The following RADIL variants were observed in gnomAD, a reference collection of about 807,000 sequenced individuals.
RADIL encodes ras-associating and dilute domain-containing protein.
RADIL carries 99 observed loss-of-function variants against 97.6 expected under a neutral mutation model. That is an observed-to-expected ratio of 1.01 (90% CI 0.86 to 1.20). The LOEUF (loss-of-function observed/expected upper bound fraction) is 1.20. Ranked by LOEUF, RADIL falls within the 50% of genes most tolerant of loss-of-function variation. The pLI, the probability that RADIL is intolerant of heterozygous loss-of-function variation, is 0.00. For synonymous variants in RADIL, 803 were observed against 691.8 expected (o/e 1.16, Z -2.52); for missense variants, 1,765 against 1,498.9 (o/e 1.18, Z -2.93).
Position 4,806,076 on chromosome 7 carries a change from C to A in RADIL, c.2140-360G>T. The A allele has an allele frequency of 4.1e-6, 4 of 984,384 alleles. No homozygotes were observed. The South Asian group carries it at 1.4e-4, about 35-fold the overall frequency. The allele number at this position is 984,384 out of a possible 1,614,324, so 61.0% of individuals were successfully genotyped here. A position where few individuals can be genotyped will look rare whatever the true frequency, so the allele number is the denominator to read the frequency against. On this transcript the variant is annotated intron_variant, in intron 9 of 14. Transcript: ENST00000399583. ...CTCCAACGGTGTGAAAGAAATCAATCAAGTCGGCTAAAAACCTGCCTGGAA... is the reference window on the plus strand; with the variant it reads ...CTCCAACGGTGTGAAAGAAATCAATAAAGTCGGCTAAAAACCTGCCTGGAA...
At chr7:4,808,026 ATCTTTCTCC>A (rs1562429724) in intron 9 of RADIL, among the ~76,000 whole-genome samples, 2 of 28,728 alleles carry the variant, frequency 7.0e-5, no homozygotes, top group Admixed American at 4.6e-4. Flanking sequence ...CTCTCCCTCC[ATCTTTCTCC>A]GCTCCTTCCT....
In RADIL at chr7:4,834,359, A is replaced by G. The variant is rs1783232079; in HGVS notation, c.1416+248T>C. On this transcript the variant is annotated intron_variant, in intron 4 of 14. Coordinates refer to ENST00000399583, the MANE Select transcript of RADIL (RefSeq NM_018059.5). This position sits in a 1 kb window ranked among gnomAD's most constrained non-coding sequence, Gnocchi z 6.0. ...AAGCCCAGAGCTCAGGAGGTGACCT[A>G]GGACCCCACGCAAACCCCACCCTCA... Among the ~76,000 whole-genome samples the G allele has an allele frequency of 6.6e-6, 1 of 152,144 alleles. No homozygotes were observed.
chr7:4,883,336 C>G lies in RADIL; in HGVS notation c.-65+260G>C, dbSNP rs1273808085. Among the ~76,000 whole-genome samples, 3 of 152,060 alleles carry G rather than the reference C, an allele frequency of 2.0e-5. No individual in the cohort carries two copies. Among genetic ancestry groups the G allele is most frequent in the Non-Finnish European group, 4.4e-5 (3 of 67,974 alleles). ...CTCGGGGGTCGGCAGCGCGGACCCC[C>G]GGATCCCCGCAGGCTGGGCCGCCCT... is the stretch of plus-strand genomic sequence containing the variant. On this transcript the variant is annotated intron_variant, in intron 1 of 14. Transcript: ENST00000399583. The surrounding 1 kb of genome is among the most constrained non-coding windows in gnomAD (Gnocchi z 7.1).
intron 13 of RADIL, 92 bp from the exon 14 acceptor site, chr7:4,799,861 C>CAGG: frequency 2.1e-6 from 3 of 1,426,408 alleles, no homozygotes; most frequent in Non-Finnish European, 2.7e-6. Flanking sequence ...ACCTACAGGC[C>CAGG]CCCGCCTGGC....
At chr7:4,825,647 T>C (rs890171857) in intron 5 of RADIL, among the ~76,000 whole-genome samples, 1 of 144,880 alleles carries the variant, frequency 6.9e-6, no homozygotes. Context: ...GAGGGCGAGG[T>C]GGGCAGATTA....
chr7:4,877,720 G>A lies in RADIL; in HGVS notation c.420C>T (p.Pro140=), dbSNP rs767731566. Reference sequence around the variant, plus strand: ...GTTTCCATAATTCCTGGATCAAGAGGGGCTTCTCACTGTCCCCAAACACCC... The same window carrying A: ...GTTTCCATAATTCCTGGATCAAGAGAGGCTTCTCACTGTCCCCAAACACCC... ...CFRVFGDSEK[P]LLIQELWKPR... Residue 140 remains proline, a synonymous_variant, in exon 2 of 15, where the codon CCC becomes CCT. Transcript: ENST00000399583. 1.9e-6 allele frequency: 3 copies of A among 1,613,962 alleles called. No individual in the cohort carries two copies. The highest frequency in any genetic ancestry group is 2.5e-6 in the Non-Finnish European group (3 of 1,180,044).
chr7:4,802,124 G>C (rs951642421), intron 11 of RADIL, 129 bp from the exon 12 acceptor site: 12 of 743,640 alleles, frequency 1.6e-5, no homozygotes, highest in Non-Finnish European at 2.6e-5. Flanking sequence ...GACTCCCGCA[G>C]CCTGTGCAGC....
rs1420141625 is a variant in RADIL at position 4,818,995 on chromosome 7, GCC to G, written c.1616-1646_1616-1645del. The stretch of plus-strand genomic sequence containing the variant: ...CTGGAACTCCAATCTACCCGCCTTG[GCC>G]CCCCAAAGTGCTGGGATTACAGGCA... On this transcript the variant is annotated intron_variant, in intron 6 of 14. Coordinates refer to ENST00000399583, the MANE Select transcript of RADIL (RefSeq NM_018059.5). This position sits in a 1 kb window ranked among gnomAD's most constrained non-coding sequence, Gnocchi z 7.1. Among the ~76,000 whole-genome samples, 1 of 150,796 alleles carries G rather than the reference GCC, an allele frequency of 6.6e-6. No individual in the cohort carries two copies. Among genetic ancestry groups the G allele is most frequent in the African/African-American group, 2.4e-5 (1 of 40,932 alleles).
In RADIL at chr7:4,847,878, T is replaced by C. The variant is rs186113550; in HGVS notation, c.536-11273A>G. On this transcript the variant is annotated intron_variant, in intron 2 of 14. Coordinates refer to ENST00000399583, the MANE Select transcript of RADIL (RefSeq NM_018059.5). ...GGGGGTGGGACCGGCTGACTGCTAA[T>C]AGACACAAAGGATCTTTTGGTGATG... Among the ~76,000 whole-genome samples the C allele has an allele frequency of 2.9e-4, 44 of 151,346 alleles. No homozygotes were observed. The East Asian group carries it at 7.8e-3, about 27-fold the overall frequency.
Position 4,801,833 on chromosome 7 carries a change from CA to C in RADIL, c.2661del (p.Gly889AlafsTer102). ...TGCGGGGGGCCAGCCTGGGAGCCCC[CA>C]CGGCTGGGTTGCCTTCCAGGGGGGG... is the stretch of plus-strand genomic sequence containing the variant. ...AQAPPGRQPS[R>X]GGSQAGPPHT... is the part of the protein sequence containing the mutation. On this transcript the variant is annotated frameshift_variant, in exon 12 of 15. Coordinates refer to ENST00000399583, the MANE Select transcript of RADIL (RefSeq NM_018059.5). LOFTEE classifies it high-confidence loss of function. 2 of 1,604,390 alleles carry C rather than the reference CA, an allele frequency of 1.2e-6. No homozygotes were observed. The highest frequency in any genetic ancestry group is 1.7e-6 in the Non-Finnish European group (2 of 1,176,264).
At chr7:4,833,730 G>A (rs1259772895) in intron 4 of RADIL, among the ~76,000 whole-genome samples, 1 of 152,168 alleles carries the variant, frequency 6.6e-6, no homozygotes, top group South Asian at 2.1e-4. Flanking sequence ...GTCTCTGAAC[G>A]AACTTGAACA....
intron 11 of RADIL, among the ~76,000 whole-genome samples, chr7:4,802,242 G>T (rs984825458): frequency 1.3e-5 from 2 of 152,240 alleles, no homozygotes; most frequent in Non-Finnish European, 2.9e-5. Context: ...CCCCAGCCCA[G>T]CTTCCAACCC....
At chr7:4,855,268 C>T (rs576201171) in intron 2 of RADIL, among the ~76,000 whole-genome samples, 6 of 152,082 alleles carry the variant, frequency 3.9e-5, no homozygotes, top group Non-Finnish European at 8.8e-5. Flanking sequence ...ACTTTTCTAC[C>T]ACCACGAGAA....
At chr7:4,841,462 T>A (rs1783437798) in intron 2 of RADIL, among the ~76,000 whole-genome samples, 1 of 152,206 alleles carries the variant, frequency 6.6e-6, no homozygotes, top group African/African-American at 2.4e-5. Context: ...CCACAAGCGC[T>A]GGGAGAGCTT....
chr7:4,814,569 G>A lies in RADIL; in HGVS notation c.2139+709C>T, dbSNP rs61617955. Among the ~76,000 whole-genome samples, 1 of 152,022 alleles carries A rather than the reference G, an allele frequency of 6.6e-6. No homozygotes were observed. Among genetic ancestry groups the A allele is most frequent in the Admixed American group, 6.5e-5 (1 of 15,274 alleles). On this transcript the variant is annotated intron_variant, in intron 9 of 14. Coordinates refer to ENST00000399583, the MANE Select transcript of RADIL (RefSeq NM_018059.5). This position sits in a 1 kb window ranked among gnomAD's most constrained non-coding sequence, Gnocchi z 4.5. ...GGTGAGTGGCTGACTGTGTTGGGAGGGGGGTGGTGAGCAGCGAGGGAAGCA... is the reference window on the plus strand; with the variant it reads ...GGTGAGTGGCTGACTGTGTTGGGAGAGGGGTGGTGAGCAGCGAGGGAAGCA...
Position 4,835,266 on chromosome 7 carries a change from G to GGC in RADIL, c.784-29_784-28dup. 1 of 1,601,152 alleles carries GGC rather than the reference G, an allele frequency of 6.2e-7. No individual in the cohort carries two copies. The highest frequency in any genetic ancestry group is 8.5e-7 in the Non-Finnish European group (1 of 1,178,720). On this transcript the variant is annotated intron_variant, in intron 3 of 14. Transcript: ENST00000399583. This position sits in a 1 kb window ranked among gnomAD's most constrained non-coding sequence, Gnocchi z 5.8. ...TGAAACAGAGACTCCGCTCAGGGCA[G>GGC]GCGTAACGCGAGCAGCACACGGGAA...
rs1782594295 is a variant in RADIL, at chr7:4,813,245, CTGGCACTA to C, written c.2139+2025_2139+2032del. ...CCTCCTACCTCAACCTCCCAAGTAG[CTGGCACTA>C]CAGGCGTTTGCCCCATGCCTGCCTC... On this transcript the variant is annotated intron_variant, in intron 9 of 14. Transcript: ENST00000399583. This position sits in a 1 kb window ranked among gnomAD's most constrained non-coding sequence, Gnocchi z 5.0. Among the ~76,000 whole-genome samples the C allele has an allele frequency of 6.6e-6, 1 of 152,172 alleles. No homozygotes were observed. Among genetic ancestry groups the C allele is most frequent in the Admixed American group, 6.5e-5 (1 of 15,274 alleles).
At chr7:4,838,340 T>C (rs2115006322) in intron 2 of RADIL, among the ~76,000 whole-genome samples, 1 of 152,210 alleles carries the variant, frequency 6.6e-6, no homozygotes, top group South Asian at 2.1e-4. Flanking sequence ...CTCAACTTTC[T>C]CCCAAATCCA....
Position 4,878,035 on chromosome 7 carries a change from C to T in RADIL, c.105G>A (p.Lys35=), listed in dbSNP as rs749704648. 1.4e-5 allele frequency: 23 copies of T among 1,608,924 alleles called. No homozygotes were observed. The highest frequency in any genetic ancestry group is 1.8e-5 in the Non-Finnish European group (21 of 1,178,538). Residue 35 remains lysine (K), a synonymous_variant, in exon 2 of 15, where the codon AAG becomes AAA. Transcript: ENST00000399583. The surrounding 1 kb of genome is among the most constrained non-coding windows in gnomAD (Gnocchi z 4.1). The part of the protein sequence containing the change: ...SSMLSRTLSY[K]YRDLDSTFSS... Reference sequence around the variant, plus strand: ...AGAAGGTGGAGTCCAGGTCCCGGTACTTGTAGCTCAGCGTCCGGGACAGCA... The same window carrying T: ...AGAAGGTGGAGTCCAGGTCCCGGTATTTGTAGCTCAGCGTCCGGGACAGCA...
Sources: allele counts gnomAD v4.1 joint callset (sites outside exome capture counted in the v4.1 genomes callset), GRCh38; gene constraint gnomAD v4.1.1; non-coding constraint Gnocchi (gnomAD v3.1); transcripts MANE v1.5; gene names NCBI Gene and HGNC (gene_info 2026-07-23, HGNC 2026-07-21).